Variants in CDK14 observed in about 807,000 individuals in gnomAD.
CDK14 encodes the protein cyclin dependent kinase 14, also known as cyclin-dependent kinase 14.
CDK14 carries 34 observed loss-of-function variants against 60.7 expected under a neutral mutation model. The observed-to-expected ratio is 0.56, with a 90% CI of 0.43 to 0.75. The LOEUF is 0.75. Ranked by LOEUF, CDK14 falls within the 30% of genes least tolerant of loss-of-function variation. The probability of loss-of-function intolerance (pLI) is 0.00; values close to 1 mark genes in which losing one functional copy is unlikely to be tolerated. For synonymous variants in CDK14, 197 were observed against 203.7 expected (o/e 0.97, Z 0.28); for missense variants, 482 against 564.1 (o/e 0.85, Z 1.47).
chr7:91,183,916 C>G (rs536937427), intron 14 of CDK14, among the ~76,000 whole-genome samples: 1 of 152,200 alleles, frequency 6.6e-6, no homozygotes, highest in East Asian at 1.9e-4. Context: ...GGTTCTTGGC[C>G]CAGTGTGTTG....
chr7:90,690,293 T>C (rs1343350509), intron 2 of CDK14, among the ~76,000 whole-genome samples: 2 of 152,166 alleles, frequency 1.3e-5, no homozygotes, highest in African/African-American at 4.8e-5. Context: ...CTTAAGTGTG[T>C]GGGTTCTGGG....
Position 90,899,327 on chromosome 7 carries a change from G to A in CDK14, c.676G>A (p.Gly226Arg). 1 of 1,601,384 alleles carries A rather than the reference G, an allele frequency of 6.2e-7. No individual in the cohort carries two copies. The highest frequency in any genetic ancestry group is 8.5e-7 in the Non-Finnish European group (1 of 1,174,600). ...ATGTCAGTACATGGACAAGCACCCT[G>A]GGGGGCTGCATCCAGATAATGTGAA... ...DLCQYMDKHP[G>R]GLHPDNVKLF... Residue 226 changes from glycine to arginine, a missense_variant, in exon 7 of 15, where the codon GGG becomes AGG. By Grantham distance (125) the Gly-to-Arg change is moderately radical. Coordinates refer to ENST00000380050, the MANE Select transcript of CDK14 (RefSeq NM_001287135.2).
At chr7:91,160,860 A>G (rs1419351629) in intron 14 of CDK14, among the ~76,000 whole-genome samples, 1 of 152,172 alleles carries the variant, frequency 6.6e-6, no homozygotes, top group East Asian at 1.9e-4. Flanking sequence ...AAATATCCTC[A>G]TTTCTTTATT....
At position 91,119,174 on chromosome 7, in the gene CDK14, C is replaced by G. The variant is rs184428976; in HGVS notation, c.*28+966C>G. Among the ~76,000 whole-genome samples the G allele has an allele frequency of 2.5e-4, 38 of 152,146 alleles. 1 individual carries two copies. Among genetic ancestry groups the G allele is most frequent in the Non-Finnish European group, 4.3e-4 (29 of 68,012 alleles). Reference sequence around the variant, plus strand: ...TTGTAGAGAAAAGTGTGTCTTTGTTCTGATATTCAGTAATTAAGTGTTCAG... The same window carrying G: ...TTGTAGAGAAAAGTGTGTCTTTGTTGTGATATTCAGTAATTAAGTGTTCAG... On this transcript the variant is annotated intron_variant, in intron 14 of 14. Transcript: ENST00000380050.
rs768576182 is a variant in CDK14 at position 91,087,403 on chromosome 7, A to G, written c.1154+7923A>G. Among the ~76,000 whole-genome samples the G allele has an allele frequency of 2.4e-4, 36 of 152,294 alleles. No individual in the cohort carries two copies. In the Middle Eastern group the frequency reaches 0.014, roughly 58 times the overall value. On this transcript the variant is annotated intron_variant, in intron 12 of 14. Transcript: ENST00000380050. The stretch of plus-strand genomic sequence containing the variant: ...GCACAAGCTAATTATTGACACAAAT[A>G]GCAATTAAATGCTTGGAGCCAGCAT...
intron 5 of CDK14, among the ~76,000 whole-genome samples, chr7:90,807,490 G>A (rs991750887): frequency 6.6e-6 from 1 of 151,982 alleles, no homozygotes; most frequent in African/African-American, 2.4e-5. Flanking sequence ...AAAGACCAAA[G>A]GTAGATAAAA....
intron 2 of CDK14, among the ~76,000 whole-genome samples, chr7:90,664,085 C>T (rs1288038719): frequency 6.6e-6 from 1 of 152,068 alleles, no homozygotes; most frequent in African/African-American, 2.4e-5. Flanking sequence ...AGAACTCAAA[C>T]AAATTTACAG....
intron 9 of CDK14, among the ~76,000 whole-genome samples, chr7:90,969,056 G>A (rs1237994841): frequency 6.6e-6 from 1 of 152,170 alleles, no homozygotes; most frequent in Non-Finnish European, 1.5e-5. Context: ...TGGCCAGACT[G>A]CAAAGCTACA....
intron 3 of CDK14, among the ~76,000 whole-genome samples, chr7:90,740,822 G>A (rs565905227): frequency 3.3e-5 from 5 of 152,092 alleles, no homozygotes; most frequent in South Asian, 2.1e-4. Context: ...TTTTGTTTTC[G>A]CATACTGAGT....
Position 90,649,240 on chromosome 7 carries a change from C to CTTTCTTTCTTTCTTTGTTTCTTTG in CDK14, c.123+45006_123+45007insGTTTCTTTGTTTCTTTCTTTCTTT, listed in dbSNP as rs1357866146. On this transcript the variant is annotated intron_variant, in intron 2 of 14. Coordinates refer to ENST00000380050, the MANE Select transcript of CDK14 (RefSeq NM_001287135.2). ...CAGCAACAGCTCTAGCCTATAGTTT[C>CTTTCTTTCTTTCTTTGTTTCTTTG]TTTCTTTCTTTCTTTCTTTCTTTCT... 6.7e-3 allele frequency among the ~76,000 whole-genome samples: 202 copies of CTTTCTTTCTTTCTTTGTTTCTTTG among 30,276 alleles called. 11 individuals carry two copies. The highest frequency in any genetic ancestry group is 0.03 in the East Asian group (33 of 1,106). The allele number at this position is 30,276 out of a possible 152,430, so 19.9% of individuals were successfully genotyped here. A position where few individuals can be genotyped will look rare whatever the true frequency, so the allele number is the denominator to read the frequency against.
At chr7:90,956,180 A>G (rs190369479) in intron 9 of CDK14, among the ~76,000 whole-genome samples, 2 of 152,186 alleles carry the variant, frequency 1.3e-5, no homozygotes, top group African/African-American at 2.4e-5. Flanking sequence ...TAAATTTGCA[A>G]CAAAGCTCTG....
chr7:90,985,520 A>G (rs1795348612), intron 10 of CDK14, among the ~76,000 whole-genome samples: 1 of 152,204 alleles, frequency 6.6e-6, no homozygotes, highest in South Asian at 2.1e-4. Flanking sequence ...ATATAAACCT[A>G]TAATTTAAAA....
intron 2 of CDK14, among the ~76,000 whole-genome samples, chr7:90,683,485 C>T (rs1369277563): frequency 6.6e-6 from 1 of 152,182 alleles, no homozygotes; most frequent in Non-Finnish European, 1.5e-5. Context: ...CCTGATTCCT[C>T]TGCATGGGGA....
chr7:90,608,069 A>G (rs1013838093), intron 2 of CDK14, among the ~76,000 whole-genome samples: 1 of 152,178 alleles, frequency 6.6e-6, no homozygotes, highest in African/African-American at 2.4e-5. Flanking sequence ...AGTGGACATA[A>G]TGTTTCTAGT....
intron 5 of CDK14, among the ~76,000 whole-genome samples, chr7:90,829,594 T>A (rs1789843173): frequency 6.6e-6 from 1 of 152,050 alleles, no homozygotes; most frequent in African/African-American, 2.4e-5. Context: ...TGCAGTGGCA[T>A]GATTTTGGCT....
At chr7:90,846,731 C>T (rs190522741) in intron 5 of CDK14, among the ~76,000 whole-genome samples, 9 of 152,184 alleles carry the variant, frequency 5.9e-5, no homozygotes, top group African/African-American at 2.2e-4. Flanking sequence ...GTTGTGGGCC[C>T]ATCACTTCCC....
chr7:91,181,001 T>A (rs538201453), intron 14 of CDK14, among the ~76,000 whole-genome samples: 33 of 152,222 alleles, frequency 2.2e-4, no homozygotes, highest in Non-Finnish European at 4.7e-4. Context: ...CAACATTGTT[T>A]CCTCTTAAAT....
At chr7:90,900,123 T>C (rs980132402) in intron 7 of CDK14, among the ~76,000 whole-genome samples, 2 of 152,172 alleles carry the variant, frequency 1.3e-5, no homozygotes, top group South Asian at 4.1e-4. Context: ...GGTCTTCACT[T>C]TATACCATAG....
chr7:91,012,779 A>C (rs138389617), intron 10 of CDK14, among the ~76,000 whole-genome samples: 4 of 152,316 alleles, frequency 2.6e-5, no homozygotes, highest in African/African-American at 9.6e-5. Context: ...AGCATTTAAC[A>C]TGATGCTAGA....
Sources: gnomAD v4.1 joint callset for allele counts (sites outside exome capture counted in the v4.1 genomes callset) on GRCh38, gnomAD v4.1.1 for gene constraint, MANE v1.5 for transcripts, NCBI Gene and HGNC (gene_info 2026-07-23, HGNC 2026-07-21) for gene names.